RGS7BP: variants seen among roughly 807,000 people sequenced by gnomAD.
RGS7BP encodes regulator of G protein signaling 7 binding protein.
A neutral mutation model predicts 31.3 loss-of-function variants in RGS7BP; 9 were observed. That is an observed-to-expected ratio of 0.29 (90% CI 0.17 to 0.50). The LOEUF (loss-of-function observed/expected upper bound fraction) is 0.50, where lower values mean the gene tolerates loss of function less well. Ranked by LOEUF, RGS7BP falls within the 20% of genes least tolerant of loss-of-function variation. The pLI is 0.98. For missense variants in RGS7BP, 274 were observed against 322.0 expected (o/e 0.85, Z 1.14); for synonymous variants, 115 against 120.1 (o/e 0.96, Z 0.28).
At chr5:64,517,016 GA>G (rs58172150) in intron 2 of RGS7BP, among the ~76,000 whole-genome samples, 1,672 of 76,996 alleles carry the variant, frequency 0.022, 10 homozygotes, top group Middle Eastern at 0.13. Flanking sequence ...TTCTCGCCCA[GA>G]AAAAAAAAAA....
At chr5:64,526,387 G>A (rs1322962267) in intron 2 of RGS7BP, among the ~76,000 whole-genome samples, 5 of 152,338 alleles carry the variant, frequency 3.3e-5, no homozygotes, top group Non-Finnish European at 5.9e-5. Flanking sequence ...GTGGGAACCT[G>A]TGGGTATGAA....
chr5:64,548,223 T>C (rs1377656061), intron 2 of RGS7BP, among the ~76,000 whole-genome samples: 2 of 152,142 alleles, frequency 1.3e-5, no homozygotes, highest in Non-Finnish European at 2.9e-5. Flanking sequence ...ATGGTAAATA[T>C]ATTTAGAAAT....
chr5:64,589,863 G>A (rs987429945), intron 3 of RGS7BP, among the ~76,000 whole-genome samples: 1 of 150,974 alleles, frequency 6.6e-6, no homozygotes, highest in African/African-American at 2.4e-5. Flanking sequence ...GGAGTTCAAG[G>A]CTGCAGTGAG....
At chr5:64,563,548 G>A (rs576705017) in intron 2 of RGS7BP, among the ~76,000 whole-genome samples, 1 of 152,230 alleles carries the variant, frequency 6.6e-6, no homozygotes, top group African/African-American at 2.4e-5. Flanking sequence ...GCTTTTATAA[G>A]CCAGAGAACT....
intron 3 of RGS7BP, among the ~76,000 whole-genome samples, chr5:64,586,358 A>G (rs1742752000): frequency 6.6e-6 from 1 of 152,062 alleles, no homozygotes; most frequent in African/African-American, 2.4e-5. Flanking sequence ...AATCATCTTG[A>G]ACTACTTTGA....
Position 64,506,773 on chromosome 5 carries a change from T to C in RGS7BP, c.149T>C (p.Leu50Pro), listed in dbSNP as rs1561316149. The part of the protein sequence containing the change: ...SESAHKTQRA[L>P]DDCKMLVQEF... ...AGCGCCCACAAAACCCAACGAGCCC[T>C]GGACGACTGCAAGATGGTGGGTGAA... The change falls in exon 1 of 6, where the codon CTG (leucine) becomes CCG (proline). Residue 50 changes from leucine to proline, a missense_variant. Coordinates refer to ENST00000334025, the MANE Select transcript of RGS7BP (RefSeq NM_001029875.3). This position sits in a 1 kb window ranked among gnomAD's most constrained non-coding sequence, Gnocchi z 4.6. 1 of 1,586,732 alleles carries C rather than the reference T, an allele frequency of 6.3e-7. No homozygotes were observed. The highest frequency in any genetic ancestry group is 2.3e-5 in the East Asian group (1 of 44,160).
Position 64,506,605 on chromosome 5 carries a change from G to C in RGS7BP, c.-20G>C. ...CGGGGCGCACTGCACCAGCGGCTTCGGCTTGGTGGATGTGTATGCATGAGT... is the reference window on the plus strand; with the variant it reads ...CGGGGCGCACTGCACCAGCGGCTTCCGCTTGGTGGATGTGTATGCATGAGT... On this transcript the variant is annotated 5_prime_UTR_variant, in exon 1 of 6. Transcript: ENST00000334025. The surrounding 1 kb of genome is among the most constrained non-coding windows in gnomAD (Gnocchi z 4.6). 1.3e-6 allele frequency: 2 copies of C among 1,570,578 alleles called. No homozygotes were observed. The highest frequency in any genetic ancestry group is 1.7e-6 in the Non-Finnish European group (2 of 1,148,494).
intron 3 of RGS7BP, 144 bp from the exon 4 acceptor site, chr5:64,594,566 T>G: frequency 2.8e-6 from 2 of 724,256 alleles, no homozygotes; most frequent in Non-Finnish European, 4.7e-6. Flanking sequence ...TATACCTAAT[T>G]ATTTTATTAC....
intron 2 of RGS7BP, among the ~76,000 whole-genome samples, chr5:64,541,672 AC>A (rs1330207559): frequency 6.6e-6 from 1 of 152,220 alleles, no homozygotes; most frequent in Non-Finnish European, 1.5e-5. Flanking sequence ...AGTTGTACTT[AC>A]AGTTATTTAC....
At chr5:64,598,301 A>AT in intron 4 of RGS7BP, 64 bp from the exon 5 acceptor site, 1 of 925,322 alleles carries the variant, frequency 1.1e-6, no homozygotes, top group Non-Finnish European at 1.8e-6. Context: ...CATATAACAG[A>AT]TTGTTTGAGA....
chr5:64,587,689 G>A (rs1417220628), intron 3 of RGS7BP, among the ~76,000 whole-genome samples: 2 of 152,156 alleles, frequency 1.3e-5, no homozygotes, highest in East Asian at 1.9e-4. Context: ...AAAAGAAAGT[G>A]AGCACATGAC....
chr5:64,578,065 T>A (rs1378193982), intron 3 of RGS7BP, among the ~76,000 whole-genome samples: 1 of 152,236 alleles, frequency 6.6e-6, no homozygotes, highest in Non-Finnish European at 1.5e-5. Flanking sequence ...CTCTGCTAGC[T>A]ATCTGTTTAT....
At chr5:64,543,542 T>TA (rs147075289) in intron 2 of RGS7BP, among the ~76,000 whole-genome samples, 50,077 of 151,888 alleles carry the variant, frequency 0.33, 9,192 homozygotes, top group East Asian at 0.65. Context: ...GAAAAAAGTT[T>TA]AAAAAAAAAT....
chr5:64,581,279 G>A (rs1179172822), intron 3 of RGS7BP, among the ~76,000 whole-genome samples: 2 of 152,120 alleles, frequency 1.3e-5, no homozygotes, highest in Admixed American at 6.5e-5. Context: ...TTCCCTCTGT[G>A]TGAGTGCTAA....
intron 2 of RGS7BP, among the ~76,000 whole-genome samples, chr5:64,528,810 CAAAAAAAAAAAAAA>C (rs61488452): frequency 1.5e-5 from 1 of 65,272 alleles, no homozygotes; most frequent in Non-Finnish European, 2.8e-5. Context: ...GACTCCATCT[CAAAAAAAAAAAAAA>C]AAAAAAAAAA....
chr5:64,551,827 TA>T (rs1741802989), intron 2 of RGS7BP, among the ~76,000 whole-genome samples: 2 of 152,192 alleles, frequency 1.3e-5, no homozygotes, highest in Admixed American at 1.3e-4. Context: ...TAAAATCTTT[TA>T]CTTTTTAAAT....
intron 3 of RGS7BP, among the ~76,000 whole-genome samples, chr5:64,582,440 A>AT: frequency 6.6e-6 from 1 of 152,202 alleles, no homozygotes; most frequent in Non-Finnish European, 1.5e-5. Context: ...TGCCCTTTCT[A>AT]TTTTTGTTCT....
chr5:64,567,108 C>T (rs575826017), intron 2 of RGS7BP, among the ~76,000 whole-genome samples: 7 of 151,930 alleles, frequency 4.6e-5, no homozygotes, highest in African/African-American at 9.7e-5. Flanking sequence ...AGACATGCAA[C>T]GTATGAACAA....
At chr5:64,549,221 T>C (rs1204144509) in intron 2 of RGS7BP, among the ~76,000 whole-genome samples, 1 of 152,174 alleles carries the variant, frequency 6.6e-6, no homozygotes, top group Non-Finnish European at 1.5e-5. Context: ...CAAAATACAA[T>C]GATGTGGCAG....
Sources: allele counts gnomAD v4.1 joint callset (sites outside exome capture counted in the v4.1 genomes callset), GRCh38; gene constraint gnomAD v4.1.1; non-coding constraint Gnocchi (gnomAD v3.1); transcripts MANE v1.5; gene names NCBI Gene and HGNC (gene_info 2026-07-23, HGNC 2026-07-21).